FHIT: variants seen among roughly 807,000 people sequenced by gnomAD.
FHIT encodes fragile histidine triad diadenosine triphosphatase.
A neutral mutation model predicts 17.9 loss-of-function variants in FHIT; 19 were observed. The observed-to-expected ratio is 1.06, with a 90% confidence interval of 0.74 to 1.56. The LOEUF is 1.56. Ranked by LOEUF, FHIT falls within the 40% of genes most tolerant of loss-of-function variation. FHIT has a pLI of 0.00. For synonymous variants in FHIT, 81 were observed against 69.7 expected (o/e 1.16, Z -0.81); for missense variants, 248 against 189.2 (o/e 1.31, Z -1.82).
intron 8 of FHIT, among the ~76,000 whole-genome samples, chr3:59,773,010 C>G (rs527673166): frequency 6.6e-6 from 1 of 152,360 alleles, no homozygotes; most frequent in East Asian, 1.9e-4. Flanking sequence ...ATATGTACCA[C>G]AAGTCCTCTT....
At chr3:60,725,833 A>G (rs1289987920) in intron 4 of FHIT, among the ~76,000 whole-genome samples, 1 of 152,156 alleles carries the variant, frequency 6.6e-6, no homozygotes, top group East Asian at 1.9e-4. Flanking sequence ...ACTTTTAAGC[A>G]CTACACATGC....
chr3:60,156,568 G>A (rs1340479285), intron 5 of FHIT, among the ~76,000 whole-genome samples: 1 of 151,672 alleles, frequency 6.6e-6, no homozygotes, highest in Non-Finnish European at 1.5e-5. Context: ...AGGCAACATA[G>A]TGAGATCTTG....
intron 4 of FHIT, among the ~76,000 whole-genome samples, chr3:60,791,982 CT>C (rs782572878): frequency 6.6e-6 from 1 of 152,190 alleles, no homozygotes; most frequent in Non-Finnish European, 1.5e-5. Context: ...TGGTGTCCCC[CT>C]ATCAGTAGTT....
intron 8 of FHIT, among the ~76,000 whole-genome samples, chr3:59,793,270 G>T (rs1361254936): frequency 6.6e-6 from 1 of 152,178 alleles, no homozygotes; most frequent in African/African-American, 2.4e-5. Context: ...CATTAAAAAT[G>T]CAGTAGGGAA....
chr3:59,938,629 T>C (rs1706358981), intron 7 of FHIT, among the ~76,000 whole-genome samples: 1 of 152,204 alleles, frequency 6.6e-6, no homozygotes, highest in Non-Finnish European at 1.5e-5. Flanking sequence ...TTCATTATAG[T>C]AACTATTTTA....
chr3:60,927,332 G>T (rs1179351777), intron 3 of FHIT, among the ~76,000 whole-genome samples: 1 of 152,154 alleles, frequency 6.6e-6, no homozygotes, highest in Non-Finnish European at 1.5e-5. Flanking sequence ...GTGCAGTGGC[G>T]TGAACCTCCA....
At chr3:59,897,961 G>C (rs1704148136) in intron 8 of FHIT, among the ~76,000 whole-genome samples, 1 of 151,940 alleles carries the variant, frequency 6.6e-6, no homozygotes, top group Non-Finnish European at 1.5e-5. Flanking sequence ...TAGAGACGGG[G>C]TTTCGCCGTG....
At chr3:59,785,755 AC>A (rs1702823136) in intron 8 of FHIT, among the ~76,000 whole-genome samples, 1 of 152,212 alleles carries the variant, frequency 6.6e-6, no homozygotes, top group Admixed American at 6.5e-5. Flanking sequence ...ACAAGGAGTT[AC>A]TTAAATTTGC....
At chr3:61,086,311 A>G (rs903658376) in intron 2 of FHIT, among the ~76,000 whole-genome samples, 4 of 152,200 alleles carry the variant, frequency 2.6e-5, no homozygotes, top group African/African-American at 9.6e-5. Flanking sequence ...TCAGGATTAG[A>G]TGTTGAATTT....
intron 5 of FHIT, among the ~76,000 whole-genome samples, chr3:60,051,106 TG>T (rs1559584392): frequency 6.6e-6 from 1 of 152,160 alleles, no homozygotes; most frequent in Non-Finnish European, 1.5e-5. Flanking sequence ...AGGGAGCTTC[TG>T]GTCTGCATAA....
intron 5 of FHIT, among the ~76,000 whole-genome samples, chr3:60,507,845 G>T (rs549281478): frequency 6.6e-6 from 1 of 152,116 alleles, no homozygotes; most frequent in Non-Finnish European, 1.5e-5. Context: ...CCTTGTAAAG[G>T]ACATGATTTC....
chr3:60,648,487 G>A (rs1218614060), intron 4 of FHIT, among the ~76,000 whole-genome samples: 1 of 151,948 alleles, frequency 6.6e-6, no homozygotes, highest in Admixed American at 6.6e-5. Flanking sequence ...CTAGGAGTTG[G>A]GGGTGAAGGA....
intron 2 of FHIT, among the ~76,000 whole-genome samples, chr3:61,181,140 A>C (rs1214684660): frequency 6.6e-6 from 1 of 152,206 alleles, no homozygotes; most frequent in Non-Finnish European, 1.5e-5. Context: ...AGCCTAAATT[A>C]TCTGAAGTCA....
intron 5 of FHIT, among the ~76,000 whole-genome samples, chr3:60,285,266 A>T (rs182553623): frequency 0.011 from 1,642 of 152,178 alleles, 32 homozygotes; most frequent in African/African-American, 0.036. Context: ...AAGATTTTTT[A>T]AAAAAATAAA....
intron 3 of FHIT, among the ~76,000 whole-genome samples, chr3:61,022,661 T>C (rs1483984663): frequency 2.0e-5 from 3 of 152,228 alleles, no homozygotes; most frequent in African/African-American, 7.2e-5. Flanking sequence ...CAAGTTGGCT[T>C]AATCCCTGGG....
chr3:61,127,012 C>T (rs2036626174), intron 2 of FHIT, among the ~76,000 whole-genome samples: 1 of 152,182 alleles, frequency 6.6e-6, no homozygotes, highest in Non-Finnish European at 1.5e-5. Context: ...CAGAGAACCA[C>T]AAGCGCGGTG....
At chr3:60,268,481 A>G (rs1053586619) in intron 5 of FHIT, among the ~76,000 whole-genome samples, 2 of 152,226 alleles carry the variant, frequency 1.3e-5, no homozygotes, top group African/African-American at 4.8e-5. Flanking sequence ...GGACTAGGCA[A>G]CATGACTTGG....
At chr3:59,834,607 A>T (rs541425971) in intron 8 of FHIT, among the ~76,000 whole-genome samples, 8 of 152,272 alleles carry the variant, frequency 5.3e-5, no homozygotes, top group African/African-American at 1.9e-4. Flanking sequence ...TTTTTACTGT[A>T]TCCTCACGTG....
intron 5 of FHIT, among the ~76,000 whole-genome samples, chr3:60,306,540 T>C (rs1045805288): frequency 6.6e-6 from 1 of 152,180 alleles, no homozygotes; most frequent in African/African-American, 2.4e-5. Context: ...TATGCCTGTT[T>C]TTAGACTGAG....
Sources: allele counts gnomAD v4.1 joint callset (sites outside exome capture counted in the v4.1 genomes callset), GRCh38; gene constraint gnomAD v4.1.1; transcripts MANE v1.5; gene names NCBI Gene and HGNC (gene_info 2026-07-23, HGNC 2026-07-21).